The following CDH13 variants were observed in gnomAD, a reference collection of about 807,000 sequenced individuals.
CDH13 encodes cadherin 13, also known as cadherin-13.
In CDH13, 24 loss-of-function variants were observed where a neutral mutation model predicts 63.8. That is an observed-to-expected ratio of 0.38 (90% CI 0.27 to 0.53). The LOEUF is 0.53. Ranked by LOEUF, CDH13 falls within the 20% of genes least tolerant of loss-of-function variation. The pLI is 0.85. For synonymous variants in CDH13, 503 were observed against 355.3 expected, an observed-to-expected ratio of 1.42 and a Z score of -4.67; for missense variants, 1,049 against 903.1, an observed-to-expected ratio of 1.16 and a Z score of -2.07.
chr16:82,873,833 C>G (rs1436001235), intron 2 of CDH13, among the ~76,000 whole-genome samples: 2 of 152,238 alleles, frequency 1.3e-5, no homozygotes, highest in Middle Eastern at 3.4e-3. Context: ...CTTGGCTCCT[C>G]TGAAAGAGAG....
intron 1 of CDH13, among the ~76,000 whole-genome samples, chr16:82,840,741 C>T (rs370640558): frequency 1.3e-5 from 2 of 151,146 alleles, no homozygotes; most frequent in African/African-American, 4.9e-5. Context: ...AATTCAGGTT[C>T]CCAGGATCTA....
chr16:83,679,538 G>A (rs747281941), intron 10 of CDH13, among the ~76,000 whole-genome samples: 11 of 152,160 alleles, frequency 7.2e-5, no homozygotes, highest in Non-Finnish European at 1.2e-4. Flanking sequence ...TTATTTTTAC[G>A]GCTAAGCTTT....
intron 6 of CDH13, among the ~76,000 whole-genome samples, chr16:83,439,856 G>C (rs2072432201): frequency 6.6e-6 from 1 of 152,160 alleles, no homozygotes; most frequent in Non-Finnish European, 1.5e-5. Flanking sequence ...TTAGTGAGTA[G>C]AGTACTGTCA....
At chr16:83,565,647 C>G (rs1392014893) in intron 7 of CDH13, among the ~76,000 whole-genome samples, 1 of 151,986 alleles carries the variant, frequency 6.6e-6, no homozygotes, top group East Asian at 1.9e-4. Context: ...ACGTTTTTTC[C>G]TGCTGCATGG....
intron 3 of CDH13, among the ~76,000 whole-genome samples, chr16:83,077,350 C>G (rs757533099): frequency 4.0e-5 from 6 of 151,436 alleles, no homozygotes; most frequent in Non-Finnish European, 8.8e-5. Flanking sequence ...CACCACCATG[C>G]CTGGCTAATT....
chr16:83,543,949 G>T (rs4457978), intron 7 of CDH13, among the ~76,000 whole-genome samples: 4 of 152,230 alleles, frequency 2.6e-5, no homozygotes, highest in Non-Finnish European at 4.4e-5. Flanking sequence ...TGATGTAGCC[G>T]GTAGCAGGAG....
chr16:83,477,650 G>A (rs943349715), intron 6 of CDH13, among the ~76,000 whole-genome samples: 2 of 152,144 alleles, frequency 1.3e-5, no homozygotes, highest in Middle Eastern at 3.2e-3. Flanking sequence ...AGGGCAAAAT[G>A]TTTCCCATGG....
chr16:83,403,484 G>A (rs983148154), intron 6 of CDH13, among the ~76,000 whole-genome samples: 1 of 152,126 alleles, frequency 6.6e-6, no homozygotes, highest in Admixed American at 6.5e-5. Flanking sequence ...TTAGCCAGGT[G>A]TGGTCGCGCG....
intron 7 of CDH13, among the ~76,000 whole-genome samples, chr16:83,562,278 A>T (rs1218801486): frequency 3.3e-5 from 5 of 152,058 alleles, no homozygotes; most frequent in Non-Finnish European, 7.4e-5. Context: ...TCCTTGTCAG[A>T]TAATAAGAAC....
In CDH13 at chr16:83,038,111, C is replaced by T. The variant is rs148011269; in HGVS notation, c.366+5893C>T. Reference sequence around the variant, plus strand: ...AGCCTAACCAAAACAGGGGCGATTTCACACTTGCTCATTTCATGTCACTGT... The same window carrying T: ...AGCCTAACCAAAACAGGGGCGATTTTACACTTGCTCATTTCATGTCACTGT... On this transcript the variant is annotated intron_variant, in intron 3 of 13. Transcript: ENST00000567109. 8.4e-3 allele frequency among the ~76,000 whole-genome samples: 1,282 copies of T among 152,310 alleles called. 16 individuals are homozygous for T. Among genetic ancestry groups the T allele is most frequent in the African/African-American group, 0.023 (943 of 41,566 alleles).
chr16:83,449,986 C>T (rs988439781), intron 6 of CDH13, among the ~76,000 whole-genome samples: 3 of 152,194 alleles, frequency 2.0e-5, no homozygotes, highest in African/African-American at 4.8e-5. Context: ...TCTTCGCTAG[C>T]AGGGCAGAGG....
At chr16:83,515,064 A>C (rs2074670153) in intron 7 of CDH13, among the ~76,000 whole-genome samples, 2 of 152,080 alleles carry the variant, frequency 1.3e-5, no homozygotes, top group South Asian at 4.2e-4. Flanking sequence ...CGGGGGTAGG[A>C]ATCTAGAATC....
chr16:83,136,565 A>G (rs1225403321), intron 4 of CDH13, among the ~76,000 whole-genome samples: 1 of 151,788 alleles, frequency 6.6e-6, no homozygotes, highest in Non-Finnish European at 1.5e-5. Flanking sequence ...GCCAAGGATG[A>G]GAAGCATAGC....
chr16:83,612,661 C>T (rs563504657), intron 8 of CDH13, among the ~76,000 whole-genome samples: 22 of 151,892 alleles, frequency 1.4e-4, no homozygotes, highest in Non-Finnish European at 2.7e-4. Flanking sequence ...GCTCTAATAA[C>T]TTATTAGTTA....
chr16:82,632,242 G>A (rs1265955007), intron 1 of CDH13, among the ~76,000 whole-genome samples: 1 of 152,156 alleles, frequency 6.6e-6, no homozygotes, highest in Non-Finnish European at 1.5e-5. Flanking sequence ...AGGGCTTTTT[G>A]AGTTTGGGAC....
intron 5 of CDH13, among the ~76,000 whole-genome samples, chr16:83,283,812 G>C (rs2089242680): frequency 6.6e-6 from 1 of 152,048 alleles, no homozygotes; most frequent in Non-Finnish European, 1.5e-5. Flanking sequence ...TCTTAGAATA[G>C]CCTTTTTTGG....
Position 83,480,735 on chromosome 16 carries a change from C to G in CDH13, c.782-5742C>G, listed in dbSNP as rs540735415. ...TGGAATCCCCTCAGTCCTGGGAGAA[C>G]TATCTGGTTCTCATTTGGAACCAGG... On this transcript the variant is annotated intron_variant, in intron 6 of 13. Transcript: ENST00000567109. Among the ~76,000 whole-genome samples the G allele has an allele frequency of 5.9e-5, 9 of 152,300 alleles. No homozygotes were observed. In the South Asian group the frequency reaches 1.4e-3, roughly 25 times the overall value.
At chr16:83,128,921 C>T (rs771034177) in intron 4 of CDH13, among the ~76,000 whole-genome samples, 4 of 152,210 alleles carry the variant, frequency 2.6e-5, no homozygotes, top group Non-Finnish European at 5.9e-5. Flanking sequence ...CTAGACAATG[C>T]GCAAGAGCCT....
chr16:82,881,587 T>C (rs1401413580), intron 2 of CDH13, among the ~76,000 whole-genome samples: 1 of 152,324 alleles, frequency 6.6e-6, no homozygotes, highest in African/African-American at 2.4e-5. Context: ...AGGTGAAGGC[T>C]GTCTGCAGAA....
Sources: gnomAD v4.1 joint callset for allele counts (sites outside exome capture counted in the v4.1 genomes callset) on GRCh38, gnomAD v4.1.1 for gene constraint, MANE v1.5 for transcripts, NCBI Gene and HGNC (gene_info 2026-07-23, HGNC 2026-07-21) for gene names.